The following DYNC1I1 variants were observed in gnomAD, a reference collection of about 807,000 sequenced individuals.
The protein encoded by DYNC1I1 is dynein cytoplasmic 1 intermediate chain 1.
A neutral mutation model predicts 86.6 loss-of-function variants in DYNC1I1; 43 were observed. That is an observed-to-expected ratio of 0.50 (90% CI 0.39 to 0.64). The LOEUF (loss-of-function observed/expected upper bound fraction) is 0.64. Among genes scored for constraint, DYNC1I1 ranks in the 30% least tolerant of loss-of-function variants. The probability of loss-of-function intolerance (pLI) is 0.00; values close to 1 mark genes in which losing one functional copy is unlikely to be tolerated. For synonymous variants in DYNC1I1, 262 were observed against 283.7 expected (o/e 0.92, Z 0.77); for missense variants, 604 against 788.8 (o/e 0.77, Z 2.81).
intron 14 of DYNC1I1, among the ~76,000 whole-genome samples, chr7:96,070,216 C>A (rs1214141873): frequency 1.3e-5 from 2 of 152,088 alleles, no homozygotes; most frequent in African/African-American, 2.4e-5. Context: ...ATTCATAACA[C>A]CTCCCTTGGG....
chr7:96,106,559 G>C (rs762240988), intron 16 of DYNC1I1, among the ~76,000 whole-genome samples: 16 of 151,870 alleles, frequency 1.1e-4, no homozygotes, highest in Non-Finnish European at 1.6e-4. Context: ...AAAAGAGAGA[G>C]AGAAATCCCT....
chr7:95,864,796 C>T (rs557537384), intron 5 of DYNC1I1, among the ~76,000 whole-genome samples: 3 of 152,074 alleles, frequency 2.0e-5, no homozygotes, highest in Non-Finnish European at 4.4e-5. Context: ...AGTTCAAAGA[C>T]GTCTGCCCAT....
intron 10 of DYNC1I1, among the ~76,000 whole-genome samples, chr7:96,021,269 G>A (rs1794543092): frequency 6.6e-6 from 1 of 152,162 alleles, no homozygotes; most frequent in African/African-American, 2.4e-5. Context: ...GAGTCACACA[G>A]CTAGTAAGGT....
chr7:95,923,592 T>A (rs1364459565), intron 6 of DYNC1I1, among the ~76,000 whole-genome samples: 2 of 152,120 alleles, frequency 1.3e-5, no homozygotes, highest in African/African-American at 2.4e-5. Flanking sequence ...AAATTATAGG[T>A]TGTGTTACAT....
At chr7:95,781,975 C>T (rs920981221) in intron 1 of DYNC1I1, among the ~76,000 whole-genome samples, 3 of 152,168 alleles carry the variant, frequency 2.0e-5, no homozygotes, top group African/African-American at 7.2e-5. Flanking sequence ...CTGCCAACCT[C>T]AGTGGACCAA....
intron 16 of DYNC1I1, among the ~76,000 whole-genome samples, chr7:96,096,016 G>T (rs1260470169): frequency 1.3e-5 from 2 of 152,088 alleles, no homozygotes. Flanking sequence ...ATGTGACTAA[G>T]TAAGAATTCT....
intron 6 of DYNC1I1, among the ~76,000 whole-genome samples, chr7:95,908,366 G>A (rs1162101526): frequency 2.0e-5 from 3 of 152,028 alleles, no homozygotes; most frequent in East Asian, 1.9e-4. Context: ...CATCTATTGT[G>A]TTATACCCTA....
intron 4 of DYNC1I1, among the ~76,000 whole-genome samples, chr7:95,825,253 A>G (rs1198215609): frequency 6.6e-6 from 1 of 152,240 alleles, no homozygotes; most frequent in Admixed American, 6.5e-5. Flanking sequence ...TCTTAAGGGT[A>G]TAGTGAGTTC....
intron 5 of DYNC1I1, 90 bp downstream of exon 5, chr7:95,828,206 C>A: frequency 6.9e-7 from 1 of 1,442,762 alleles, no homozygotes; most frequent in Non-Finnish European, 9.7e-7. Context: ...TTGTGTTCTC[C>A]CCTTTTGTTG....
intron 6 of DYNC1I1, among the ~76,000 whole-genome samples, chr7:95,903,864 T>A (rs942491206): frequency 6.6e-6 from 1 of 152,118 alleles, no homozygotes; most frequent in Non-Finnish European, 1.5e-5. Context: ...AGAATGTGCA[T>A]CATTGGTAGG....
At chr7:96,029,320 C>T (rs1794754344) in intron 11 of DYNC1I1, among the ~76,000 whole-genome samples, 2 of 152,102 alleles carry the variant, frequency 1.3e-5, no homozygotes, top group Admixed American at 6.5e-5. Flanking sequence ...TGCCCCATTT[C>T]CCCAAACTAA....
chr7:95,919,893 A>G (rs747436959), intron 6 of DYNC1I1, among the ~76,000 whole-genome samples: 13 of 152,244 alleles, frequency 8.5e-5, no homozygotes, highest in Non-Finnish European at 1.9e-4. Context: ...TAGAAAATAC[A>G]TAGCCAGGAG....
At chr7:96,057,562 C>A (rs1265999041) in intron 14 of DYNC1I1, among the ~76,000 whole-genome samples, 2 of 152,142 alleles carry the variant, frequency 1.3e-5, no homozygotes, top group African/African-American at 4.8e-5. Flanking sequence ...AATAATGCAA[C>A]ACTCCTATAG....
At chr7:96,106,350 A>G (rs767584203) in intron 16 of DYNC1I1, among the ~76,000 whole-genome samples, 8 of 152,114 alleles carry the variant, frequency 5.3e-5, no homozygotes, top group Non-Finnish European at 1.0e-4. Context: ...CCTGACCAAC[A>G]TGGTGAAACC....
chr7:95,810,071 AAG>A (rs1241780555), intron 2 of DYNC1I1, among the ~76,000 whole-genome samples: 4 of 152,180 alleles, frequency 2.6e-5, no homozygotes, highest in African/African-American at 9.7e-5. Flanking sequence ...AGTCTAAAAA[AAG>A]AGACAGAATT....
At chr7:95,858,682 T>C (rs1789791915) in intron 5 of DYNC1I1, among the ~76,000 whole-genome samples, 1 of 151,796 alleles carries the variant, frequency 6.6e-6, no homozygotes, top group East Asian at 1.9e-4. Context: ...ACTCTAATAA[T>C]CTTATGGGGC....
intron 11 of DYNC1I1, among the ~76,000 whole-genome samples, chr7:96,029,870 C>G (rs1794766006): frequency 6.6e-6 from 1 of 150,690 alleles, no homozygotes; most frequent in South Asian, 2.1e-4. Context: ...AAGATTTTAC[C>G]ACTGCACTGC....
At chr7:95,941,159 G>T (rs796544370) in intron 6 of DYNC1I1, among the ~76,000 whole-genome samples, 20 of 152,250 alleles carry the variant, frequency 1.3e-4, no homozygotes, top group African/African-American at 4.8e-4. Context: ...TCCTCTGGAA[G>T]TTTTGTCTCA....
chr7:95,781,449 C>G (rs1230502551), intron 1 of DYNC1I1, among the ~76,000 whole-genome samples: 2 of 152,010 alleles, frequency 1.3e-5, no homozygotes, highest in African/African-American at 4.8e-5. Context: ...AATTAGAGAC[C>G]TTAAAGTAGA....
Sources: allele counts gnomAD v4.1 joint callset (sites outside exome capture counted in the v4.1 genomes callset), GRCh38; gene constraint gnomAD v4.1.1; transcripts MANE v1.5; gene names NCBI Gene and HGNC (gene_info 2026-07-23, HGNC 2026-07-21).